The following FDFT1 variants were observed in gnomAD, a reference collection of about 807,000 sequenced individuals.
FDFT1 encodes squalene synthase.
Under a neutral mutation model 46.8 loss-of-function variants are expected in FDFT1, and 68 were observed. The ratio of observed to expected loss-of-function variants is 1.45; its 90% CI spans 1.19 to 1.78. The LOEUF (loss-of-function observed/expected upper bound fraction) is 1.78. Ranked by LOEUF, FDFT1 falls within the 40% of genes most tolerant of loss-of-function variation. The probability of loss-of-function intolerance (pLI) is 0.00; values close to 1 mark genes in which losing one functional copy is unlikely to be tolerated. For synonymous variants in FDFT1, 351 were observed against 185.1 expected (o/e 1.90, Z -7.28); for missense variants, 928 against 524.4 (o/e 1.77, Z -7.52).
At chr8:11,823,302 G>A (rs1022030343) in intron 4 of FDFT1, among the ~76,000 whole-genome samples, 3 of 151,984 alleles carry the variant, frequency 2.0e-5, no homozygotes, top group Non-Finnish European at 4.4e-5. Flanking sequence ...AATTATATAA[G>A]TCTCCATTTT....
chr8:11,799,162 G>A (rs1248323428), upstream of FDFT1, among the ~76,000 whole-genome samples: 2 of 152,200 alleles, frequency 1.3e-5, no homozygotes, highest in Admixed American at 6.5e-5. Context: ...TAGGTCAAAA[G>A]GTCTTTTTAG....
chr8:11,831,699 T>A, intron 7 of FDFT1, 29 bp downstream of exon 7: 1 of 1,574,588 alleles, frequency 6.4e-7, no homozygotes, highest in Non-Finnish European at 8.7e-7. Flanking sequence ...ACTTGGATAA[T>A]TTGTAGCTAC....
chr8:11,809,251 T>C, intron 2 of FDFT1: 2 of 1,150,690 alleles, frequency 1.7e-6, no homozygotes, highest in Non-Finnish European at 1.1e-6. Flanking sequence ...TGAAGCTGCC[T>C]CTGTGCACAT....
At chr8:11,807,701 G>C (rs1807042710) in intron 1 of FDFT1, among the ~76,000 whole-genome samples, 1 of 152,230 alleles carries the variant, frequency 6.6e-6, no homozygotes, top group Non-Finnish European at 1.5e-5. Context: ...GTTTGCTTTA[G>C]GGAAGAGTAA....
At chr8:11,806,018 T>C (rs111269252) in intron 1 of FDFT1, among the ~76,000 whole-genome samples, 43 of 152,264 alleles carry the variant, frequency 2.8e-4, no homozygotes, top group African/African-American at 9.6e-4. Flanking sequence ...GTTCTCAAGT[T>C]TGTGGTTTTT....
intron 1 of FDFT1, 128 bp from the exon 2 acceptor site, chr8:11,808,666 G>A: frequency 1.4e-6 from 2 of 1,471,890 alleles, no homozygotes; most frequent in Non-Finnish European, 1.8e-6. Flanking sequence ...TGCAAGGACT[G>A]GCCTCGGGGA....
chr8:11,796,202 T>TA (rs1395856223), intron 1 of FDFT1, among the ~76,000 whole-genome samples: 27 of 152,038 alleles, frequency 1.8e-4, no homozygotes, highest in African/African-American at 6.5e-4. Context: ...GTAATGGGAG[T>TA]ATGTAAAGTG....
intron 1 of FDFT1, among the ~76,000 whole-genome samples, chr8:11,807,586 TA>T (rs35115417): frequency 0.5 from 76,170 of 151,996 alleles, 20,857 homozygotes; most frequent in East Asian, 0.67. Context: ...AAAACTGCTC[TA>T]AAAAATAGTC....
At chr8:11,821,949 G>C (rs1049347517) in intron 4 of FDFT1, 71 bp downstream of exon 4, 3 of 1,562,454 alleles carry the variant, frequency 1.9e-6, no homozygotes, top group Non-Finnish European at 2.6e-6. Context: ...GTGAAGCTCA[G>C]AACAAGAAAA....
At position 11,838,962 on chromosome 8, in the gene FDFT1, A is replaced by AGC. The variant is rs1368903541; in HGVS notation, c.*354_*355dup. The AGC allele has an allele frequency of 4.6e-6, 1 of 219,594 alleles. No homozygotes were observed. The highest frequency in any genetic ancestry group is 2.3e-5 in the African/African-American group (1 of 42,564). 13.6% of individuals were successfully genotyped at this position (219,594 alleles called of 1,614,324 possible). On this transcript the variant is annotated 3_prime_UTR_variant, in exon 8 of 8. Coordinates refer to ENST00000220584, the MANE Select transcript of FDFT1 (RefSeq NM_004462.5). ...TGATAATTAAAAGTATTTAATTTGA[A>AGC]GCACCATTTGAATGTTCGTAATAGT...
rs114552537 is a variant in FDFT1, at chr8:11,836,485, C to T, written c.1033-1903C>T. ...GGAGGTGAGGGCCACCTCTCTGCTC[C>T]TCAGGGCCACCTTTCATAAGGCTCC... On this transcript the variant is annotated intron_variant, in intron 7 of 7. Coordinates refer to ENST00000220584, the MANE Select transcript of FDFT1 (RefSeq NM_004462.5). Among the ~76,000 whole-genome samples the T allele has an allele frequency of 2.7e-3, 413 of 152,386 alleles. 5 individuals are homozygous for T. Among genetic ancestry groups the T allele is most frequent in the African/African-American group, 9.6e-3 (398 of 41,596 alleles).
intron 5 of FDFT1, among the ~76,000 whole-genome samples, chr8:11,828,997 T>G (rs986253435): frequency 3.3e-5 from 5 of 151,416 alleles, no homozygotes; most frequent in Non-Finnish European, 7.4e-5. Flanking sequence ...AGATGTGTGT[T>G]TTCCTTTTTC....
intron 3 of FDFT1, among the ~76,000 whole-genome samples, chr8:11,815,130 G>T (rs115717839): frequency 1.3e-5 from 2 of 152,060 alleles, no homozygotes; most frequent in Non-Finnish European, 1.5e-5. Flanking sequence ...TTGGTTTTCT[G>T]TCGTTGTGAT....
chr8:11,829,899 G>A (rs530602253), intron 5 of FDFT1, among the ~76,000 whole-genome samples: 2 of 148,160 alleles, frequency 1.3e-5, no homozygotes, highest in African/African-American at 5.3e-5. Flanking sequence ...CCAGGCTGGA[G>A]TGCAATGGCG....
At chr8:11,821,635 C>A in intron 3 of FDFT1, 115 bp from the exon 4 acceptor site, 1 of 1,242,036 alleles carries the variant, frequency 8.1e-7, no homozygotes, top group East Asian at 2.5e-5. Flanking sequence ...CTAAATTAGG[C>A]TTATAGATGA....
At chr8:11,830,867 C>G (rs929151063) in intron 6 of FDFT1, among the ~76,000 whole-genome samples, 1 of 152,186 alleles carries the variant, frequency 6.6e-6, no homozygotes, top group Non-Finnish European at 1.5e-5. Context: ...TAGGAACTTA[C>G]ACTTTTTAGT....
At chr8:11,833,370 T>G (rs138052453) in intron 7 of FDFT1, among the ~76,000 whole-genome samples, 1 of 152,342 alleles carries the variant, frequency 6.6e-6, no homozygotes, top group African/African-American at 2.4e-5. Context: ...TCTAAGGGGT[T>G]CAACTACCCT....
chr8:11,797,772 A>G (rs1805715038), upstream of FDFT1, among the ~76,000 whole-genome samples: 1 of 152,172 alleles, frequency 6.6e-6, no homozygotes. Context: ...GAGGCGTGGC[A>G]GGTGGCTAGG....
intron 2 of FDFT1, chr8:11,809,394 T>TA (rs1426198006): frequency 1.3e-5 from 15 of 1,184,998 alleles, no homozygotes; most frequent in African/African-American, 1.6e-5. Context: ...CTGGTCTCCA[T>TA]AGTTCTACAT....
Sources: allele counts gnomAD v4.1 joint callset (sites outside exome capture counted in the v4.1 genomes callset), GRCh38; gene constraint gnomAD v4.1.1; transcripts MANE v1.5; gene names NCBI Gene and HGNC (gene_info 2026-07-23, HGNC 2026-07-21).